The following NDUFAF2 variants were observed in gnomAD, a reference collection of about 807,000 sequenced individuals.
NDUFAF2 encodes the protein NADH:ubiquinone oxidoreductase complex assembly factor 2, also known as NADH dehydrogenase [ubiquinone] 1 alpha subcomplex assembly factor 2.
NDUFAF2 carries 13 observed loss-of-function variants against 22.8 expected under a neutral mutation model. The observed-to-expected ratio is 0.57, with a 90% confidence interval of 0.37 to 0.91. NDUFAF2 has a LOEUF of 0.91. Ranked by LOEUF, NDUFAF2 falls within the 40% of genes least tolerant of loss-of-function variation. The pLI is 0.01. For missense variants in NDUFAF2, 162 were observed against 195.2 expected (o/e 0.83, Z 1.01); for synonymous variants, 53 against 64.2 (o/e 0.83, Z 0.84).
At chr5:61,079,530 A>G (rs748774956) in intron 2 of NDUFAF2, among the ~76,000 whole-genome samples, 6 of 152,304 alleles carry the variant, frequency 3.9e-5, no homozygotes, top group Non-Finnish European at 7.3e-5. Context: ...ATCTCGAATA[A>G]ACTCACATTG....
At chr5:60,981,255 C>T (rs1414410016) in intron 1 of NDUFAF2, among the ~76,000 whole-genome samples, 2 of 152,128 alleles carry the variant, frequency 1.3e-5, no homozygotes, top group East Asian at 1.9e-4. Context: ...TCAGTAAAAA[C>T]CTTACAGGTC....
chr5:61,049,618 C>A (rs1039045622), intron 1 of NDUFAF2, among the ~76,000 whole-genome samples: 4 of 152,050 alleles, frequency 2.6e-5, no homozygotes, highest in African/African-American at 9.7e-5. Flanking sequence ...TCTCCCCCAC[C>A]ATTCTGCTTT....
At chr5:61,142,934 T>C (rs1302503466) in intron 3 of NDUFAF2, among the ~76,000 whole-genome samples, 4 of 152,178 alleles carry the variant, frequency 2.6e-5, no homozygotes, top group African/African-American at 9.7e-5. Context: ...ATAACTTATT[T>C]CATCCTGGCA....
At chr5:60,987,677 A>G (rs1332210569) in intron 1 of NDUFAF2, among the ~76,000 whole-genome samples, 1 of 152,258 alleles carries the variant, frequency 6.6e-6, no homozygotes, top group African/African-American at 2.4e-5. Flanking sequence ...ACTAAAGACA[A>G]AAACCATGTG....
intron 1 of NDUFAF2, among the ~76,000 whole-genome samples, chr5:60,956,820 A>G (rs1750622469): frequency 1.3e-5 from 2 of 152,178 alleles, no homozygotes; most frequent in African/African-American, 4.8e-5. Flanking sequence ...TATTTGGATT[A>G]TCAGTGTGCC....
chr5:61,099,195 TAATAA>T (rs1438315577), intron 3 of NDUFAF2, among the ~76,000 whole-genome samples, 163 bp downstream of exon 3: 10 of 150,478 alleles, frequency 6.6e-5, no homozygotes, highest in Admixed American at 5.3e-4. Flanking sequence ...CCTATATTAT[TAATAA>T]AATAATATAT....
At chr5:61,094,414 C>T (rs113806720) in intron 2 of NDUFAF2, among the ~76,000 whole-genome samples, 48 of 152,308 alleles carry the variant, frequency 3.2e-4, no homozygotes, top group African/African-American at 1.0e-3. Context: ...TTAGCTTCTT[C>T]GCATTGGGTT....
rs888395244 is a variant in NDUFAF2 at position 61,108,611 on chromosome 5, C to T, written c.258+9579C>T. Among the ~76,000 whole-genome samples the T allele has an allele frequency of 1.4e-4, 20 of 147,590 alleles. 1 individual carries two copies. Among genetic ancestry groups the T allele is most frequent in the African/African-American group, 4.3e-4 (16 of 37,126 alleles). The stretch of plus-strand genomic sequence containing the variant: ...TCATAGTTTGAGGTCTTAAAGTCTT[C>T]GATCCATTTTGGTTTGATTGCTGTT... On this transcript the variant is annotated intron_variant, in intron 3 of 3. Coordinates refer to ENST00000296597, the MANE Select transcript of NDUFAF2 (RefSeq NM_174889.5).
At chr5:61,148,198 C>G (rs1046133916) in intron 3 of NDUFAF2, among the ~76,000 whole-genome samples, 1 of 152,202 alleles carries the variant, frequency 6.6e-6, no homozygotes, top group Admixed American at 6.5e-5. Flanking sequence ...TGGGTTCCCC[C>G]ACCCTGTGTA....
At chr5:61,138,698 C>A (rs891147055) in intron 3 of NDUFAF2, among the ~76,000 whole-genome samples, 1 of 152,146 alleles carries the variant, frequency 6.6e-6, no homozygotes, top group Non-Finnish European at 1.5e-5. Context: ...GGCAAACCTT[C>A]TAGGGGTCAG....
chr5:61,067,859 G>C (rs976290857), intron 1 of NDUFAF2, among the ~76,000 whole-genome samples: 6 of 152,000 alleles, frequency 3.9e-5, no homozygotes, highest in African/African-American at 1.4e-4. Context: ...ATTCTAACTG[G>C]TGTGAGATGG....
At chr5:60,981,570 T>C (rs1413186328) in intron 1 of NDUFAF2, among the ~76,000 whole-genome samples, 2 of 152,194 alleles carry the variant, frequency 1.3e-5, no homozygotes, top group African/African-American at 4.8e-5. Context: ...GTAAACTACT[T>C]ATATCTTAAG....
At chr5:61,051,055 G>A (rs1236804795) in intron 1 of NDUFAF2, among the ~76,000 whole-genome samples, 2 of 152,108 alleles carry the variant, frequency 1.3e-5, no homozygotes, top group Non-Finnish European at 2.9e-5. Context: ...TTCCAGTGAC[G>A]CAGAAAAGAT....
At chr5:61,051,398 CAGTAAT>C (rs1752022144) in intron 1 of NDUFAF2, among the ~76,000 whole-genome samples, 1 of 152,232 alleles carries the variant, frequency 6.6e-6, no homozygotes, top group East Asian at 1.9e-4. Flanking sequence ...TGTCCCAGAT[CAGTAAT>C]AGCCAAAGAG....
chr5:60,963,078 G>T (rs1750712839), intron 1 of NDUFAF2, among the ~76,000 whole-genome samples: 1 of 151,746 alleles, frequency 6.6e-6, no homozygotes, highest in Non-Finnish European at 1.5e-5. Flanking sequence ...TAGAGGCAGG[G>T]TTTCACCATG....
In NDUFAF2 at chr5:61,041,345, C is replaced by T. The variant is rs184606603; in HGVS notation, c.128-31780C>T. 3.4e-4 allele frequency among the ~76,000 whole-genome samples: 51 copies of T among 152,028 alleles called. 1 individual carries two copies. The highest frequency in any genetic ancestry group is 2.1e-4 in the South Asian group (1 of 4,818). ...TTATAAGTATTTGAATATTTTTGAT[C>T]GAAGAGTTGAAATACTACCAATAGA... On this transcript the variant is annotated intron_variant, in intron 1 of 3. Transcript: ENST00000296597.
chr5:61,148,879 CTG>C (rs1579855200), intron 3 of NDUFAF2, among the ~76,000 whole-genome samples: 2 of 152,298 alleles, frequency 1.3e-5, no homozygotes, highest in East Asian at 3.9e-4. Flanking sequence ...ATGGAAAAAT[CTG>C]TAATCTGCAT....
At chr5:61,143,182 G>C (rs1291659439) in intron 3 of NDUFAF2, among the ~76,000 whole-genome samples, 2 of 152,032 alleles carry the variant, frequency 1.3e-5, no homozygotes, top group African/African-American at 4.8e-5. Flanking sequence ...TACTTTCTGG[G>C]CATGACTATC....
chr5:61,046,064 G>A (rs1751950968), intron 1 of NDUFAF2, among the ~76,000 whole-genome samples: 1 of 152,050 alleles, frequency 6.6e-6, no homozygotes, highest in African/African-American at 2.4e-5. Context: ...TGCATCTACC[G>A]AGATGATTAT....
Sources: allele counts gnomAD v4.1 joint callset (sites outside exome capture counted in the v4.1 genomes callset), GRCh38; gene constraint gnomAD v4.1.1; transcripts MANE v1.5; gene names NCBI Gene and HGNC (gene_info 2026-07-23, HGNC 2026-07-21).